Variants in BTAF1 observed in about 807,000 individuals in gnomAD.
BTAF1 encodes TATA-binding protein-associated factor 172.
A neutral mutation model predicts 227.1 loss-of-function variants in BTAF1; 38 were observed. That is an observed-to-expected ratio of 0.17 (90% CI 0.13 to 0.22). The LOEUF (loss-of-function observed/expected upper bound fraction) is 0.22, where lower values mean the gene tolerates loss of function less well. BTAF1 is among the 10% of genes least tolerant of loss of function. The pLI, the probability that BTAF1 is intolerant of heterozygous loss-of-function variation, is 1.00. For missense variants in BTAF1, 1,598 were observed against 2,204.0 expected (o/e 0.73, Z 5.51); for synonymous variants, 742 against 751.9 (o/e 0.99, Z 0.21).
At position 91,957,212 on chromosome 10, in the gene BTAF1, T is replaced by C. The variant is rs751026888; in HGVS notation, c.832-13T>C. 6.2e-7 allele frequency: 1 copy of C among 1,609,418 alleles called. No homozygotes were observed. The highest frequency in any genetic ancestry group is 1.7e-5 in the Admixed American group (1 of 59,900). On this transcript the variant is annotated splice_polypyrimidine_tract_variant and intron_variant, in intron 7 of 37. Coordinates refer to ENST00000265990, the MANE Select transcript of BTAF1 (RefSeq NM_003972.3). ...CCTTTTGAACTAGTAGTAATTCTGTTTTTCTTATTCAGACAAATGAATGGC... is the reference window on the plus strand; with the variant it reads ...CCTTTTGAACTAGTAGTAATTCTGTCTTTCTTATTCAGACAAATGAATGGC...
At chr10:91,945,706 TC>T (rs1845317933) in intron 4 of BTAF1, among the ~76,000 whole-genome samples, 1 of 152,240 alleles carries the variant, frequency 6.6e-6, no homozygotes, top group African/African-American at 2.4e-5. Flanking sequence ...ACAGGCTTAT[TC>T]CACATTTTGA....
intron 15 of BTAF1, among the ~76,000 whole-genome samples, chr10:91,980,930 G>C (rs1848021754): frequency 6.6e-6 from 1 of 152,078 alleles, no homozygotes; most frequent in African/African-American, 2.4e-5. Flanking sequence ...TCTAATTATT[G>C]TTGAAACTTG....
At chr10:91,991,162 C>T (rs1260990634) in intron 20 of BTAF1, among the ~76,000 whole-genome samples, 1 of 150,850 alleles carries the variant, frequency 6.6e-6, no homozygotes, top group African/African-American at 2.4e-5. Flanking sequence ...AGGAGACTGG[C>T]GTGAACCTGG....
In BTAF1 at chr10:91,982,757, A is replaced by G. The variant is rs374802287; in HGVS notation, c.2219A>G (p.Gln740Arg). 4 of 1,605,402 alleles carry G rather than the reference A, an allele frequency of 2.5e-6. No individual in the cohort carries two copies. The African/African-American group carries it at 4.0e-5, about 16-fold the overall frequency. Residue 740 changes from glutamine to arginine, a missense_variant, in exon 18 of 38, where the codon CAA becomes CGA. Around this residue, in one of 10 missense-constraint regions of BTAF1, gnomAD observed 318 missense variants for 435.0 expected, o/e 0.73. Transcript: ENST00000265990. ...GTAATCTGTGAATGGGCTGCTTTAC[A>G]AAAGGTAAGATTTTGCCCCAAAAGT... ...ALVICEWAAL[Q>R]KECKAVTLAV...
intron 11 of BTAF1, among the ~76,000 whole-genome samples, chr10:91,961,677 G>A (rs1230049696): frequency 1.3e-5 from 2 of 152,056 alleles, no homozygotes; most frequent in African/African-American, 2.4e-5. Context: ...AGACTTATAT[G>A]GAAATGGAAA....
At chr10:92,015,474 C>T (rs1046417789) in intron 32 of BTAF1, among the ~76,000 whole-genome samples, 15 of 152,148 alleles carry the variant, frequency 9.9e-5, no homozygotes, top group African/African-American at 3.6e-4. Context: ...GTTGAGAGTT[C>T]TTTGATTCTT....
At chr10:91,981,915 GTTATT>G (rs1848090127) in intron 16 of BTAF1, 123 bp downstream of exon 16, 2 of 1,361,510 alleles carry the variant, frequency 1.5e-6, no homozygotes, top group Non-Finnish European at 2.0e-6. Context: ...AGGAGAAACC[GTTATT>G]TTATTAGGAC....
chr10:92,021,887 C>G (rs2134167245), intron 34 of BTAF1, among the ~76,000 whole-genome samples: 1 of 152,150 alleles, frequency 6.6e-6, no homozygotes, highest in East Asian at 1.9e-4. Flanking sequence ...AGTGGAAGAT[C>G]AAAATGGTAA....
At chr10:91,992,051 A>C in intron 20 of BTAF1, 68 bp from the exon 21 acceptor site, 1 of 1,319,016 alleles carries the variant, frequency 7.6e-7, no homozygotes, top group Non-Finnish European at 1.0e-6. Flanking sequence ...TTTATCTCTT[A>C]TGGAGCTGAA....
intron 37 of BTAF1, 59 bp from the exon 38 acceptor site, chr10:92,028,731 A>T (rs1590017775): frequency 6.7e-7 from 1 of 1,482,958 alleles, no homozygotes; most frequent in Non-Finnish European, 9.1e-7. Flanking sequence ...AAAGGAAAAT[A>T]CAATTTGTGA....
In BTAF1 at chr10:91,989,447, G is replaced by A. The variant is rs151280486; in HGVS notation, c.2721G>A (p.Gln907=). The change falls in exon 20 of 38, where the codon CAG becomes CAA. Residue 907 remains glutamine (Q), a synonymous_variant. Transcript: ENST00000265990. ...AGTGCATAGCTAAACTCCTTCAGCAGTGCACAACAAGGACGCCCTGTCCCA... is the reference window on the plus strand; with the variant it reads ...AGTGCATAGCTAAACTCCTTCAGCAATGCACAACAAGGACGCCCTGTCCCA... ...AAQCIAKLLQ[Q]CTTRTPCPNS... 153 of 1,614,132 alleles carry A rather than the reference G, an allele frequency of 9.5e-5. No individual in the cohort carries two copies. In the African/African-American group the frequency reaches 2.0e-3, roughly 21 times the overall value.
intron 18 of BTAF1, among the ~76,000 whole-genome samples, 194 bp downstream of exon 18, chr10:91,982,955 CCTA>C (rs1213977088): frequency 6.6e-6 from 1 of 152,134 alleles, no homozygotes; most frequent in African/African-American, 2.4e-5. Context: ...TCTTAGAACC[CCTA>C]CTCATACTTC....
intron 25 of BTAF1, among the ~76,000 whole-genome samples, chr10:92,007,814 T>A (rs778397526): frequency 6.6e-6 from 1 of 152,228 alleles, no homozygotes; most frequent in Admixed American, 6.5e-5. Context: ...ACACTAAAAT[T>A]GAGAAGTGCC....
chr10:92,026,479 C>A, intron 35 of BTAF1, 113 bp from the exon 36 acceptor site: 1 of 793,288 alleles, frequency 1.3e-6, no homozygotes, highest in South Asian at 2.3e-5. Context: ...TGTAAGTATC[C>A]CTATTGTGGA....
intron 2 of BTAF1, among the ~76,000 whole-genome samples, chr10:91,937,618 T>G (rs909787783): frequency 2.6e-5 from 4 of 152,226 alleles, no homozygotes; most frequent in African/African-American, 9.6e-5. Context: ...GCATGTATAT[T>G]CATTCTTATT....
chr10:92,026,562 A>G (rs760233604), intron 35 of BTAF1, 30 bp from the exon 36 acceptor site: 9 of 1,553,392 alleles, frequency 5.8e-6, no homozygotes, highest in Non-Finnish European at 7.9e-6. Flanking sequence ...TTAAGAATGG[A>G]CTAATTTTAT....
chr10:91,960,956 T>G (rs1201431074), intron 11 of BTAF1, among the ~76,000 whole-genome samples: 1 of 152,232 alleles, frequency 6.6e-6, no homozygotes, highest in Non-Finnish European at 1.5e-5. Context: ...AGTCCTTTAC[T>G]AAACTAATAA....
intron 36 of BTAF1, 69 bp downstream of exon 36, chr10:92,026,820 A>G (rs979051321): frequency 2.0e-6 from 3 of 1,502,098 alleles, no homozygotes. Context: ...AAAGATAGGA[A>G]ACCTTGGTTT....
rs894069973 is a variant in BTAF1 at position 91,924,215 on chromosome 10, A to G, written c.14+125A>G. On this transcript the variant is annotated intron_variant, in intron 1 of 37. Coordinates refer to ENST00000265990, the MANE Select transcript of BTAF1 (RefSeq NM_003972.3). ...ACTGGGCTCTGGAGCTTTCTTCAGTAGACTTCGGAGTTCGCCCCGTGGTCG... is the reference window on the plus strand; with the variant it reads ...ACTGGGCTCTGGAGCTTTCTTCAGTGGACTTCGGAGTTCGCCCCGTGGTCG... 3 of 1,319,252 alleles carry G rather than the reference A, an allele frequency of 2.3e-6. No individual in the cohort carries two copies. The African/African-American group carries it at 4.6e-5, about 20-fold the overall frequency. The allele number at this position is 1,319,252 out of a possible 1,614,324, so 81.7% of individuals were successfully genotyped here.
Sources: gnomAD v4.1 joint callset for allele counts (sites outside exome capture counted in the v4.1 genomes callset) on GRCh38, gnomAD v4.1.1 for gene constraint, gnomAD v4.1.1 regional missense constraint, MANE v1.5 for transcripts, NCBI Gene and HGNC (gene_info 2026-07-23, HGNC 2026-07-21) for gene names.